Variants in GPSM2 observed in about 807,000 individuals in gnomAD.
GPSM2 encodes the protein G protein-signaling modulator 2.
In GPSM2, 58 loss-of-function variants were observed where a neutral mutation model predicts 78.4. The observed-to-expected ratio is 0.74, with a 90% CI of 0.60 to 0.92. GPSM2 has a LOEUF of 0.92. GPSM2 is among the 40% of genes least tolerant of loss of function. The pLI is 0.00. For synonymous variants in GPSM2, 224 were observed against 280.2 expected (o/e 0.80, Z 2.00); for missense variants, 700 against 815.5 (o/e 0.86, Z 1.73).
rs1465665149 is a variant in GPSM2, at chr1:108,932,396, A to G, written c.*2456A>G. 1.3e-5 allele frequency: 2 copies of G among 152,214 alleles called. No homozygotes were observed. Among genetic ancestry groups the G allele is most frequent in the African/African-American group, 2.4e-5 (1 of 41,454 alleles). 9.4% of individuals were successfully genotyped at this position (152,214 alleles called of 1,614,324 possible). A position where few individuals can be genotyped will look rare whatever the true frequency, so the allele number is the denominator to read the frequency against. ...CTGATAACAAACACCCGATGTGTTC[A>G]ATTTGCTTTCATATTTAAGTCTTTC... On this transcript the variant is annotated 3_prime_UTR_variant, in exon 15 of 15. Transcript: ENST00000264126.
chr1:108,921,493 C>CTGAT (rs2101539250), intron 12 of GPSM2, among the ~76,000 whole-genome samples: 1 of 152,148 alleles, frequency 6.6e-6, no homozygotes, highest in African/African-American at 2.4e-5. Context: ...GGTACCTGAA[C>CTGAT]TGATGTCCCT....
At position 108,908,496 on chromosome 1, in the gene GPSM2, A is replaced by G. The variant is rs186789403; in HGVS notation, c.1192+4242A>G. ...CAGGAGATCGAGACCATCTTGGCTA[A>G]CACGGTGAAACCGTGTCTCTACTAA... On this transcript the variant is annotated intron_variant, in intron 10 of 14. Coordinates refer to ENST00000264126, the MANE Select transcript of GPSM2 (RefSeq NM_013296.5). Among the ~76,000 whole-genome samples the G allele has an allele frequency of 8.6e-3, 1,305 of 151,458 alleles. 11 individuals carry two copies. Among genetic ancestry groups the G allele is most frequent in the African/African-American group, 0.03 (1,242 of 41,244 alleles).
Position 108,931,901 on chromosome 1 carries a change from C to A in GPSM2, c.*1961C>A, listed in dbSNP as rs947140006. ...TTTGTGTATACAATAGTTCTTACAG[C>A]CTGTAAACATTCAACATTATTCCAT... On this transcript the variant is annotated 3_prime_UTR_variant, in exon 15 of 15. Transcript: ENST00000264126. The A allele has an allele frequency of 1.9e-5, 3 of 157,246 alleles. No homozygotes were observed. Among genetic ancestry groups the A allele is most frequent in the African/African-American group, 7.2e-5 (3 of 41,448 alleles). The allele number at this position is 157,246 out of a possible 1,614,324, so 9.7% of individuals were successfully genotyped here.
chr1:108,917,008 T>C (rs1322391436), intron 11 of GPSM2, among the ~76,000 whole-genome samples: 2 of 152,342 alleles, frequency 1.3e-5, no homozygotes, highest in African/African-American at 2.4e-5. Context: ...TGGTTAGAAA[T>C]AATTTTTCTT....
At position 108,930,043 on chromosome 1, in the gene GPSM2, TA is replaced by T. The variant is rs1651658069; in HGVS notation, c.*104del. The T allele has an allele frequency of 7.7e-6, 8 of 1,035,026 alleles. No homozygotes were observed. Among genetic ancestry groups the T allele is most frequent in the Non-Finnish European group, 1.2e-5 (8 of 691,330 alleles). The allele number at this position is 1,035,026 out of a possible 1,614,324, so 64.1% of individuals were successfully genotyped here. On this transcript the variant is annotated 3_prime_UTR_variant, in exon 15 of 15. Coordinates refer to ENST00000264126, the MANE Select transcript of GPSM2 (RefSeq NM_013296.5). ...TATAGCACTGTAATACAGCTTAAAATATTTTTAGAATGATGTAAATAGTTAA... is the reference window on the plus strand; with the variant it reads ...TATAGCACTGTAATACAGCTTAAAATTTTTTAGAATGATGTAAATAGTTAA...
In GPSM2 at chr1:108,918,676, A is replaced by G. The variant is rs932327709; in HGVS notation, c.1327A>G (p.Lys443Glu). 1.2e-6 allele frequency: 2 copies of G among 1,613,490 alleles called. No individual in the cohort carries two copies. The highest frequency in any genetic ancestry group is 1.3e-5 in the African/African-American group (1 of 75,030). The change falls in exon 12 of 15, where the codon AAG becomes GAG. Residue 443 changes from lysine (K) to glutamate (E), a missense_variant. Coordinates refer to ENST00000264126, the MANE Select transcript of GPSM2 (RefSeq NM_013296.5). The part of the protein sequence containing the change: ...QKPLIAKPSA[K>E]LLFVNRLKGK... ...ACCTCTTATTGCCAAACCTTCTGCA[A>G]AGCTACTCTTTGTCAACAGACTGAA...
intron 2 of GPSM2, among the ~76,000 whole-genome samples, chr1:108,895,402 T>A (rs991843405): frequency 9.3e-5 from 14 of 150,086 alleles, no homozygotes; most frequent in African/African-American, 3.5e-4. Context: ...TTTAATAATT[T>A]CATATTTGTT....
chr1:108,931,392 G>A lies in GPSM2; in HGVS notation c.*1452G>A, dbSNP rs144507893. On this transcript the variant is annotated 3_prime_UTR_variant, in exon 15 of 15. Coordinates refer to ENST00000264126, the MANE Select transcript of GPSM2 (RefSeq NM_013296.5). The stretch of plus-strand genomic sequence containing the variant: ...AAAAGACAAGTATGGGACAGACTGG[G>A]ACCTGGAGTAACACTGGATCACAGA... The A allele has an allele frequency of 4.9e-5, 76 of 1,551,120 alleles. No homozygotes were observed. The African/African-American group carries it at 1.0e-3, about 20-fold the overall frequency.
chr1:108,883,690 A>G (rs901195438), intron 1 of GPSM2, among the ~76,000 whole-genome samples: 2 of 152,122 alleles, frequency 1.3e-5, no homozygotes, highest in African/African-American at 4.8e-5. Context: ...AGCTCTCTCT[A>G]ATGTATCGGT....
At chr1:108,923,076 T>C (rs1023632899) in intron 13 of GPSM2, among the ~76,000 whole-genome samples, 8 of 152,204 alleles carry the variant, frequency 5.3e-5, no homozygotes, top group Non-Finnish European at 1.2e-4. Flanking sequence ...TTAGCCAAGC[T>C]GGAGTGCCAG....
At chr1:108,917,609 C>CACATATATATATAT (rs1238489232) in intron 11 of GPSM2, among the ~76,000 whole-genome samples, 1 of 90,192 alleles carries the variant, frequency 1.1e-5, no homozygotes, top group African/African-American at 3.1e-5. Context: ...CACACACACA[C>CACATATATATATAT]ACATATATAT....
In GPSM2 at chr1:108,930,212, T is replaced by C. The variant is rs1257548412; in HGVS notation, c.*272T>C. 2.8e-6 allele frequency: 1 copy of C among 361,314 alleles called. No homozygotes were observed. The highest frequency in any genetic ancestry group is 5.0e-6 in the Non-Finnish European group (1 of 200,558). The allele number at this position is 361,314 out of a possible 1,614,324, so 22.4% of individuals were successfully genotyped here. On this transcript the variant is annotated 3_prime_UTR_variant, in exon 15 of 15. Coordinates refer to ENST00000264126, the MANE Select transcript of GPSM2 (RefSeq NM_013296.5). ...CTTGTGAGATTACTTTACCTAGTGT[T>C]TATAAAGTAGGAAGTTAAGTGAATC...
intron 2 of GPSM2, among the ~76,000 whole-genome samples, chr1:108,887,846 A>G (rs1011210944): frequency 1.2e-4 from 18 of 152,190 alleles, no homozygotes; most frequent in African/African-American, 4.3e-4. Flanking sequence ...ATAGGTGGGT[A>G]CTTTGTAAAC....
intron 11 of GPSM2, among the ~76,000 whole-genome samples, chr1:108,917,859 T>C (rs1373857657): frequency 6.6e-6 from 1 of 151,256 alleles, no homozygotes; most frequent in East Asian, 2.0e-4. Flanking sequence ...GGTGGAAATG[T>C]TCTTTGTATT....
chr1:108,916,880 G>C (rs1352990640), intron 11 of GPSM2, among the ~76,000 whole-genome samples: 1 of 152,178 alleles, frequency 6.6e-6, no homozygotes, highest in East Asian at 1.9e-4. Context: ...AGGTTAAGAG[G>C]CTTCCTGGGA....
At chr1:108,886,338 G>A (rs1408111297) in intron 2 of GPSM2, among the ~76,000 whole-genome samples, 1 of 152,202 alleles carries the variant, frequency 6.6e-6, no homozygotes, top group Non-Finnish European at 1.5e-5. Context: ...TAAGCTTAAT[G>A]TCTAGTGACA....
intron 10 of GPSM2, among the ~76,000 whole-genome samples, chr1:108,904,837 T>C (rs918406501): frequency 9.2e-5 from 14 of 152,050 alleles, no homozygotes; most frequent in African/African-American, 3.4e-4. Context: ...AGCGAGGAAA[T>C]TTGCTATAAT....
intron 1 of GPSM2, among the ~76,000 whole-genome samples, chr1:108,880,579 CA>C (rs56323759): frequency 4.9e-4 from 59 of 119,928 alleles, no homozygotes; most frequent in Admixed American, 6.5e-4. Flanking sequence ...GACTCCGTCT[CA>C]AAAAAAAAAA....
intron 14 of GPSM2, among the ~76,000 whole-genome samples, chr1:108,925,862 T>A (rs1651078921): frequency 6.6e-6 from 1 of 151,830 alleles, no homozygotes; most frequent in Non-Finnish European, 1.5e-5. Context: ...ACGTAGTTTA[T>A]CTACAGATGG....
Sources: allele counts gnomAD v4.1 joint callset (sites outside exome capture counted in the v4.1 genomes callset), GRCh38; gene constraint gnomAD v4.1.1; transcripts MANE v1.5; gene names NCBI Gene and HGNC (gene_info 2026-07-23, HGNC 2026-07-21).